The following BCAR3 variants were observed in gnomAD, a reference collection of about 807,000 sequenced individuals.
BCAR3 encodes the protein BCAR3 adaptor protein, NSP family member.
BCAR3 carries 37 observed loss-of-function variants against 80.1 expected under a neutral mutation model. That is an observed-to-expected ratio of 0.46 (90% CI 0.36 to 0.61). The LOEUF (loss-of-function observed/expected upper bound fraction) is 0.61, where lower values mean the gene tolerates loss of function less well. Ranked by LOEUF, BCAR3 falls within the 20% of genes least tolerant of loss-of-function variation. The probability of loss-of-function intolerance (pLI) is 0.00; values close to 1 mark genes in which losing one functional copy is unlikely to be tolerated. For synonymous variants in BCAR3, 389 were observed against 418.9 expected (o/e 0.93, Z 0.87); for missense variants, 978 against 1,068.2 (o/e 0.92, Z 1.18).
Position 93,778,708 on chromosome 1 carries a change from G to A in BCAR3, c.-63+66859C>T, listed in dbSNP as rs577428015. On this transcript the variant is annotated intron_variant, in intron 2 of 13. Coordinates refer to the BCAR3 transcript ENST00000370244. ...AACAAGACCCACTTCTCTAGGATCA[G>A]GGATTTTCCCTGCTGTCTACTTTTC... is the stretch of plus-strand genomic sequence containing the variant. Among the ~76,000 whole-genome samples, 137 of 152,198 alleles carry A rather than the reference G, an allele frequency of 9.0e-4. No individual in the cohort carries two copies. In the South Asian group the frequency reaches 0.015, roughly 16 times the overall value.
At chr1:93,751,441 G>A (rs1037411761) in intron 2 of BCAR3, among the ~76,000 whole-genome samples, 2 of 152,000 alleles carry the variant, frequency 1.3e-5, no homozygotes, top group South Asian at 2.1e-4. Context: ...TGCATTTTCT[G>A]ACCTGGGTAA....
chr1:93,741,709 C>T (rs1442222750), intron 2 of BCAR3, among the ~76,000 whole-genome samples: 1 of 152,110 alleles, frequency 6.6e-6, no homozygotes, highest in Non-Finnish European at 1.5e-5. Context: ...GCTGGGATTA[C>T]AGGCGTGCAC....
intron 2 of BCAR3, among the ~76,000 whole-genome samples, chr1:93,769,509 A>C (rs553557595): frequency 6.6e-6 from 1 of 152,040 alleles, no homozygotes; most frequent in African/African-American, 2.4e-5. Flanking sequence ...TTGAGGACAG[A>C]ACAATAGGCA....
At chr1:93,783,192 T>C (rs1437250985) in intron 2 of BCAR3, among the ~76,000 whole-genome samples, 2 of 152,172 alleles carry the variant, frequency 1.3e-5, no homozygotes, top group Non-Finnish European at 2.9e-5. Context: ...TACTCCTCCA[T>C]ATATACCCTA....
chr1:93,567,338 G>A lies in BCAR3; in HGVS notation c.2240C>T (p.Ala747Val), dbSNP rs532034172. ...CEIMLNHLATARFMAEAADSY... is the reference protein window; with the variant it reads ...CEIMLNHLATVRFMAEAADSY... The stretch of plus-strand genomic sequence containing the variant: ...GTCTGCAGCCTCGGCCATGAATCGC[G>A]CTGTTGCCAAATGGTTCAGCATGAT... Residue 747 changes from alanine to valine, a missense_variant, in exon 11 of 12, where the codon GCG becomes GTG. By Grantham distance (64) the Ala-to-Val change is moderately conservative. Coordinates refer to ENST00000260502, the MANE Select transcript of BCAR3 (RefSeq NM_003567.4). 5.6e-6 allele frequency: 9 copies of A among 1,614,080 alleles called. No homozygotes were observed. The highest frequency in any genetic ancestry group is 4.2e-6 in the Non-Finnish European group (5 of 1,180,024).
intron 2 of BCAR3, among the ~76,000 whole-genome samples, chr1:93,717,473 C>A (rs1187811575): frequency 6.6e-6 from 1 of 151,756 alleles, no homozygotes; most frequent in Non-Finnish European, 1.5e-5. Context: ...GCCTGTAATC[C>A]CAGCACTTTG....
chr1:93,828,549 G>GA (rs1450691496), intron 2 of BCAR3, among the ~76,000 whole-genome samples: 1 of 152,150 alleles, frequency 6.6e-6, no homozygotes, highest in African/African-American at 2.4e-5. Flanking sequence ...AGAAGAATCT[G>GA]AACAGACAGG....
chr1:93,769,750 A>T (rs533338803), intron 2 of BCAR3, among the ~76,000 whole-genome samples: 1 of 152,118 alleles, frequency 6.6e-6, no homozygotes, highest in South Asian at 2.1e-4. Context: ...GAAAAGGAAA[A>T]TTTTTTCCAA....
chr1:93,568,885 C>G (rs6662891), intron 9 of BCAR3, among the ~76,000 whole-genome samples: 6 of 152,002 alleles, frequency 3.9e-5, no homozygotes, highest in African/African-American at 1.2e-4. Context: ...TGCAGTGGTG[C>G]GATCACAGCT....
At position 93,562,345 on chromosome 1, in the gene BCAR3, CT is replaced by C. The variant is rs767707091; in HGVS notation, c.2373del (p.Gly792ValfsTer17). On this transcript the variant is annotated frameshift_variant, in exon 12 of 12. Transcript: ENST00000260502. LOFTEE classifies it high-confidence loss of function. ...CTCTCTGTCTGATTGACTTGTGCACCTTTGCTGCCCCATAGCAATCGCATTT... is the reference window on the plus strand; with the variant it reads ...CTCTCTGTCTGATTGACTTGTGCACCTTGCTGCCCCATAGCAATCGCATTT... ...EFQMRLLWGS[K>X]GAQVNQTERY... The C allele has an allele frequency of 6.2e-7, 1 of 1,614,104 alleles. No individual in the cohort carries two copies. The highest frequency in any genetic ancestry group is 8.5e-7 in the Non-Finnish European group (1 of 1,180,008).
At chr1:93,818,475 G>A (rs190798317) in intron 2 of BCAR3, among the ~76,000 whole-genome samples, 19 of 152,210 alleles carry the variant, frequency 1.2e-4, no homozygotes, top group African/African-American at 4.6e-4. Flanking sequence ...TACTGTCGTG[G>A]TTGTGGGTGT....
At chr1:93,665,083 TC>T in intron 2 of BCAR3, among the ~76,000 whole-genome samples, 1 of 152,078 alleles carries the variant, frequency 6.6e-6, no homozygotes, top group Non-Finnish European at 1.5e-5. Flanking sequence ...AAGGAACATA[TC>T]CCCTTGACCT....
chr1:93,790,169 G>C (rs1329001696), intron 2 of BCAR3, among the ~76,000 whole-genome samples: 1 of 151,944 alleles, frequency 6.6e-6, no homozygotes, highest in Non-Finnish European at 1.5e-5. Flanking sequence ...ATTTGTAACA[G>C]AAATATTAGA....
At chr1:93,784,041 C>A (rs1199021223) in intron 2 of BCAR3, among the ~76,000 whole-genome samples, 1 of 152,074 alleles carries the variant, frequency 6.6e-6, no homozygotes, top group Admixed American at 6.5e-5. Flanking sequence ...GGAGACAAAC[C>A]AAGGCCCCAG....
intron 11 of BCAR3, among the ~76,000 whole-genome samples, chr1:93,563,001 T>G (rs1173667119): frequency 1.3e-5 from 2 of 152,112 alleles, no homozygotes; most frequent in Non-Finnish European, 2.9e-5. Context: ...CAAACCACTG[T>G]GGGAAGTAGT....
At chr1:93,621,368 C>T (rs566982861) in intron 3 of BCAR3, among the ~76,000 whole-genome samples, 2 of 152,310 alleles carry the variant, frequency 1.3e-5, no homozygotes, top group African/African-American at 4.8e-5. Flanking sequence ...AAACTGTATA[C>T]AAATTGTTGT....
chr1:93,671,260 T>C (rs1306302096), intron 2 of BCAR3, among the ~76,000 whole-genome samples: 2 of 152,220 alleles, frequency 1.3e-5, no homozygotes, highest in African/African-American at 4.8e-5. Flanking sequence ...CCCAAAGTGC[T>C]GGGATTACAG....
chr1:93,653,505 G>A (rs1367643190), intron 2 of BCAR3, among the ~76,000 whole-genome samples: 1 of 152,024 alleles, frequency 6.6e-6, no homozygotes, highest in Non-Finnish European at 1.5e-5. Flanking sequence ...TCTACTTTAC[G>A]CCCAGTCATC....
intron 2 of BCAR3, among the ~76,000 whole-genome samples, chr1:93,788,519 T>G (rs910491640): frequency 2.0e-5 from 3 of 152,232 alleles, no homozygotes; most frequent in Admixed American, 2.0e-4. Flanking sequence ...GGCAAATTCT[T>G]TCAGCATTTG....
Sources: allele counts gnomAD v4.1 joint callset (sites outside exome capture counted in the v4.1 genomes callset), GRCh38; gene constraint gnomAD v4.1.1; transcripts MANE v1.5; gene names NCBI Gene and HGNC (gene_info 2026-07-23, HGNC 2026-07-21).